GRIA1: variants seen among roughly 807,000 people sequenced by gnomAD.
GRIA1 encodes glutamate ionotropic receptor AMPA type subunit 1.
Under a neutral mutation model 99.2 loss-of-function variants are expected in GRIA1, and 31 were observed. That is an observed-to-expected ratio of 0.31 (90% confidence interval 0.23 to 0.42). The LOEUF (loss-of-function observed/expected upper bound fraction) is 0.42, where lower values mean the gene tolerates loss of function less well. GRIA1 is among the 10% of genes least tolerant of loss of function. The pLI, the probability that GRIA1 is intolerant of heterozygous loss-of-function variation, is 1.00. For missense variants in GRIA1, 782 were observed against 1,157.5 expected (o/e 0.68, Z 4.71); for synonymous variants, 438 against 432.4 (o/e 1.01, Z -0.16).
intron 4 of GRIA1, among the ~76,000 whole-genome samples, chr5:153,655,350 A>C (rs1754862988): frequency 6.6e-6 from 1 of 152,232 alleles, no homozygotes; most frequent in Non-Finnish European, 1.5e-5. Context: ...CCATCTGACC[A>C]TTCATCCACC....
At chr5:153,719,504 G>T (rs773833814) in intron 11 of GRIA1, among the ~76,000 whole-genome samples, 3 of 151,924 alleles carry the variant, frequency 2.0e-5, no homozygotes, top group Non-Finnish European at 2.9e-5. Flanking sequence ...TCTGGCAGCC[G>T]AGGCTTTTGG....
At chr5:153,670,696 G>T (rs1189085277) in intron 5 of GRIA1, among the ~76,000 whole-genome samples, 1 of 151,864 alleles carries the variant, frequency 6.6e-6, no homozygotes, top group Non-Finnish European at 1.5e-5. Flanking sequence ...AAATGGCAAA[G>T]AAAATTAGAA....
rs149800856 is a variant in GRIA1, at chr5:153,676,226, C to T, written c.862-768C>T. 8.5e-5 allele frequency among the ~76,000 whole-genome samples: 13 copies of T among 152,262 alleles called. No homozygotes were observed. The East Asian group carries it at 2.5e-3, about 29-fold the overall frequency. On this transcript the variant is annotated intron_variant, in intron 6 of 15. Transcript: ENST00000285900. ...AAAATTAGAAAAATACCCATTCATT[C>T]GTTCTTCAATTCTCTATTGTGAACT...
chr5:153,607,948 A>G (rs909341721), intron 2 of GRIA1, among the ~76,000 whole-genome samples: 39 of 152,004 alleles, frequency 2.6e-4, no homozygotes, highest in African/African-American at 8.9e-4. Context: ...TATTTCCATT[A>G]GTGTGGGTCT....
chr5:153,534,209 CT>C (rs1758344473), intron 2 of GRIA1, among the ~76,000 whole-genome samples: 1 of 152,216 alleles, frequency 6.6e-6, no homozygotes, highest in Non-Finnish European at 1.5e-5. Flanking sequence ...CCTTACTTTC[CT>C]CTGAAACTTA....
At chr5:153,616,480 T>A (rs1395344463) in intron 2 of GRIA1, among the ~76,000 whole-genome samples, 2 of 147,368 alleles carry the variant, frequency 1.4e-5, no homozygotes, top group Non-Finnish European at 3.0e-5. Flanking sequence ...AAAAAAAAAA[T>A]TCGCAAAAAA....
chr5:153,719,862 C>T (rs1759932623), intron 11 of GRIA1, among the ~76,000 whole-genome samples: 1 of 151,954 alleles, frequency 6.6e-6, no homozygotes, highest in Non-Finnish European at 1.5e-5. Context: ...TTATGAAGAT[C>T]GAATGGAATA....
chr5:153,575,197 A>AAGAG (rs3064338), intron 2 of GRIA1, among the ~76,000 whole-genome samples: 6,240 of 147,530 alleles, frequency 0.042, 220 homozygotes, highest in African/African-American at 0.093. Flanking sequence ...TCAAGAGAGA[A>AAGAG]AGAGAGAGAG....
chr5:153,720,036 C>G (rs1305181277), intron 11 of GRIA1, among the ~76,000 whole-genome samples: 1 of 152,048 alleles, frequency 6.6e-6, no homozygotes, highest in East Asian at 1.9e-4. Context: ...CAATAGACAC[C>G]AGTGATTACT....
In GRIA1 at chr5:153,729,233, G is replaced by T. The variant is rs924498841; in HGVS notation, c.1823+23166G>T. ...GGAACATCACAGTCTGGGGACTGTT[G>T]TGGGGTAGGGAGAGGGGGGAGCGAT... is the stretch of plus-strand genomic sequence containing the variant. On this transcript the variant is annotated intron_variant, in intron 11 of 15. Coordinates refer to ENST00000285900, the MANE Select transcript of GRIA1 (RefSeq NM_000827.4). 4.0e-5 allele frequency among the ~76,000 whole-genome samples: 6 copies of T among 151,126 alleles called. No individual in the cohort carries two copies. The South Asian group carries it at 1.3e-3, about 32-fold the overall frequency.
At chr5:153,645,384 T>G (rs2963953) in intron 2 of GRIA1, among the ~76,000 whole-genome samples, 60 of 152,010 alleles carry the variant, frequency 3.9e-4, no homozygotes, top group Non-Finnish European at 6.9e-4. Context: ...TAACAGAAAA[T>G]GGAGACTCAC....
rs140674411 is a variant in GRIA1 at position 153,674,643 on chromosome 5, G to A, written c.843G>A (p.Val281=). Residue 281 remains valine, a synonymous_variant, in exon 6 of 16, where the codon GTG becomes GTA. Transcript: ENST00000285900. The stretch of plus-strand genomic sequence containing the variant: ...GTGATGCTCGAGACCACACACGGGT[G>A]GACTGGAAGAGACCCAAGGTGAGTG... ...KNSDARDHTR[V]DWKRPKYTSA... The A allele has an allele frequency of 3.7e-5, 60 of 1,613,942 alleles. No individual in the cohort carries two copies. The African/African-American group carries it at 6.3e-4, about 17-fold the overall frequency.
intron 7 of GRIA1, among the ~76,000 whole-genome samples, chr5:153,683,093 C>T (rs1021396942): frequency 9.9e-5 from 15 of 152,278 alleles, no homozygotes; most frequent in African/African-American, 3.4e-4. Flanking sequence ...CTCAGACACC[C>T]TGGGATGGGG....
At chr5:153,725,936 C>A (rs1486383964) in intron 11 of GRIA1, among the ~76,000 whole-genome samples, 8 of 135,938 alleles carry the variant, frequency 5.9e-5, no homozygotes, top group Non-Finnish European at 1.1e-4. Context: ...ACAGAATATA[C>A]ATTTTTTTCA....
chr5:153,589,389 T>A (rs1279411479), intron 2 of GRIA1, among the ~76,000 whole-genome samples: 3 of 152,206 alleles, frequency 2.0e-5, no homozygotes, highest in Admixed American at 6.5e-5. Flanking sequence ...ATACTTTTCA[T>A]TTTAATTAAG....
intron 2 of GRIA1, 28 bp from the exon 3 acceptor site, chr5:153,646,900 A>G: frequency 6.2e-7 from 1 of 1,610,610 alleles, no homozygotes; most frequent in Non-Finnish European, 8.5e-7. Flanking sequence ...GCAGTCTTCT[A>G]TTCATTAATC....
chr5:153,564,955 T>C (rs984807715), intron 2 of GRIA1, among the ~76,000 whole-genome samples: 1 of 152,192 alleles, frequency 6.6e-6, no homozygotes, highest in Non-Finnish European at 1.5e-5. Flanking sequence ...CAAATTAACA[T>C]TACCTGAGCA....
At chr5:153,511,874 C>T (rs1016560684) in intron 2 of GRIA1, among the ~76,000 whole-genome samples, 2 of 152,164 alleles carry the variant, frequency 1.3e-5, no homozygotes, top group African/African-American at 4.8e-5. Context: ...CAAATTGGCT[C>T]AGGCTGGCCT....
intron 13 of GRIA1, among the ~76,000 whole-genome samples, chr5:153,776,450 C>G (rs1187905381): frequency 6.6e-6 from 1 of 152,146 alleles, no homozygotes; most frequent in African/African-American, 2.4e-5. Flanking sequence ...TCAATTTTAC[C>G]TCTGAAATGC....
Sources: allele counts gnomAD v4.1 joint callset (sites outside exome capture counted in the v4.1 genomes callset), GRCh38; gene constraint gnomAD v4.1.1; transcripts MANE v1.5; gene names NCBI Gene and HGNC (gene_info 2026-07-23, HGNC 2026-07-21).